Variants in TENM4 observed in about 807,000 individuals in gnomAD.
TENM4 encodes teneurin-4.
TENM4 carries 82 observed loss-of-function variants against 243.3 expected under a neutral mutation model. The ratio of observed to expected loss-of-function variants is 0.34; its 90% CI spans 0.28 to 0.40. The LOEUF (loss-of-function observed/expected upper bound fraction) is 0.40. Among genes scored for constraint, TENM4 ranks in the 10% least tolerant of loss-of-function variants. The pLI is 1.00. For missense variants in TENM4, 3,138 were observed against 3,673.3 expected (o/e 0.85, Z 3.77); for synonymous variants, 1,412 against 1,456.3 (o/e 0.97, Z 0.69).
At chr11:78,723,042 T>C (rs1855435234) in intron 23 of TENM4, 125 bp from the exon 24 acceptor site, 1 of 1,376,644 alleles carries the variant, frequency 7.3e-7, no homozygotes, top group African/African-American at 1.4e-5. Flanking sequence ...TCCAGGATCA[T>C]AGCCCAAGGC....
intron 6 of TENM4, among the ~76,000 whole-genome samples, chr11:78,943,038 G>T (rs1198265545): frequency 6.6e-6 from 1 of 152,160 alleles, no homozygotes; most frequent in South Asian, 2.1e-4. Flanking sequence ...TCCTGCGAGG[G>T]TCTTTAGGAC....
chr11:79,032,497 G>A (rs1859269864), intron 6 of TENM4, among the ~76,000 whole-genome samples: 1 of 152,156 alleles, frequency 6.6e-6, no homozygotes, highest in African/African-American at 2.4e-5. Context: ...AAGAGCCTCT[G>A]GTGATATAAG....
At chr11:79,135,148 G>C (rs900887492) in intron 4 of TENM4, among the ~76,000 whole-genome samples, 3 of 151,840 alleles carry the variant, frequency 2.0e-5, no homozygotes, top group African/African-American at 7.3e-5. Flanking sequence ...AAATCAGTAA[G>C]CAAAAAACAA....
At chr11:79,300,172 G>A (rs1256079920) in intron 1 of TENM4, among the ~76,000 whole-genome samples, 1 of 152,026 alleles carries the variant, frequency 6.6e-6, no homozygotes, top group Non-Finnish European at 1.5e-5. Flanking sequence ...TTTTCTTTCT[G>A]ACTATTCACT....
At chr11:78,675,509 C>G (rs1199928871) in intron 30 of TENM4, among the ~76,000 whole-genome samples, 1 of 152,168 alleles carries the variant, frequency 6.6e-6, no homozygotes, top group African/African-American at 2.4e-5. Flanking sequence ...GGCACTCAGG[C>G]CCTGGCAGAG....
At chr11:79,177,632 G>A (rs1424272377) in intron 3 of TENM4, among the ~76,000 whole-genome samples, 2 of 152,176 alleles carry the variant, frequency 1.3e-5, no homozygotes, top group Non-Finnish European at 2.9e-5. Context: ...AGGAAGGAGG[G>A]TATGGTTAGG....
Position 79,098,369 on chromosome 11 carries a change from A to G in TENM4, c.-65-28360T>C, listed in dbSNP as rs565174012. On this transcript the variant is annotated intron_variant, in intron 4 of 33. Transcript: ENST00000278550. ...CCCTTCTCCTGACCCCTGGCTCCTGACAGCCTACTCCCCAACCCCTGCTCA... is the reference window on the plus strand; with the variant it reads ...CCCTTCTCCTGACCCCTGGCTCCTGGCAGCCTACTCCCCAACCCCTGCTCA... Among the ~76,000 whole-genome samples the G allele has an allele frequency of 2.2e-3, 328 of 152,220 alleles. 1 individual carries two copies. The highest frequency in any genetic ancestry group is 7.4e-3 in the African/African-American group (309 of 41,544).
At chr11:78,946,660 G>T (rs1565138568) in intron 6 of TENM4, among the ~76,000 whole-genome samples, 1 of 152,168 alleles carries the variant, frequency 6.6e-6, no homozygotes, top group Non-Finnish European at 1.5e-5. Context: ...TTTCTGGAAA[G>T]GATTTACCAA....
intron 15 of TENM4, among the ~76,000 whole-genome samples, chr11:78,804,571 CA>C (rs1857349986): frequency 6.6e-6 from 1 of 152,154 alleles, no homozygotes; most frequent in South Asian, 2.1e-4. Context: ...ACCTGTAAAT[CA>C]TAGTGTTTTC....
chr11:79,428,466 A>T (rs529575592), intron 1 of TENM4, among the ~76,000 whole-genome samples: 4 of 152,354 alleles, frequency 2.6e-5, no homozygotes, highest in East Asian at 3.9e-4. Flanking sequence ...TAGGATGTGG[A>T]CAGAAATCAA....
chr11:79,278,763 C>T (rs866698508), intron 2 of TENM4, among the ~76,000 whole-genome samples: 2 of 152,170 alleles, frequency 1.3e-5, no homozygotes, highest in East Asian at 1.9e-4. Flanking sequence ...TCAGAGCTTG[C>T]GGCTCCCAAG....
At chr11:78,716,827 T>A (rs760780579) in intron 25 of TENM4, among the ~76,000 whole-genome samples, 6 of 152,146 alleles carry the variant, frequency 3.9e-5, no homozygotes, top group Non-Finnish European at 8.8e-5. Context: ...AACTTGAGAG[T>A]CCACATTTCT....
intron 9 of TENM4, among the ~76,000 whole-genome samples, chr11:78,879,960 C>G (rs900002882): frequency 2.6e-5 from 4 of 152,160 alleles, no homozygotes; most frequent in African/African-American, 9.7e-5. Flanking sequence ...TCCAAAGAGA[C>G]AGCGACCATC....
intron 6 of TENM4, among the ~76,000 whole-genome samples, chr11:78,908,531 A>G (rs948094477): frequency 6.6e-6 from 1 of 152,244 alleles, no homozygotes; most frequent in Non-Finnish European, 1.5e-5. Flanking sequence ...GAAAAAGAGC[A>G]GAACATATCT....
intron 29 of TENM4, among the ~76,000 whole-genome samples, chr11:78,687,723 G>T (rs1332816828): frequency 1.3e-5 from 2 of 152,076 alleles, no homozygotes; most frequent in Non-Finnish European, 2.9e-5. Context: ...TTTGTCCTTT[G>T]TCCTCACCTA....
chr11:79,325,750 G>C lies in TENM4; in HGVS notation c.-320-28207C>G, dbSNP rs7938340. ...ATTGTGATCATTTTATAATTCACTGGGTCAAAGATACAGATGATTCACCAG... is the reference window on the plus strand; with the variant it reads ...ATTGTGATCATTTTATAATTCACTGCGTCAAAGATACAGATGATTCACCAG... On this transcript the variant is annotated intron_variant, in intron 1 of 33. Transcript: ENST00000278550. 6.1e-3 allele frequency among the ~76,000 whole-genome samples: 931 copies of C among 152,208 alleles called. 10 individuals carry two copies. Among genetic ancestry groups the C allele is most frequent in the African/African-American group, 0.022 (903 of 41,522 alleles).
intron 31 of TENM4, 108 bp from the exon 32 acceptor site, chr11:78,670,659 G>C (rs1565324726): frequency 8.9e-7 from 1 of 1,124,930 alleles, no homozygotes; most frequent in Non-Finnish European, 1.3e-6. Context: ...GGAGAATCCT[G>C]AGTTTCCATG....
chr11:78,778,605 T>A lies in TENM4; in HGVS notation c.2389A>T (p.Lys797Ter). The A allele has an allele frequency of 6.2e-7, 1 of 1,612,118 alleles. No homozygotes were observed. The highest frequency in any genetic ancestry group is 1.1e-5 in the South Asian group (1 of 90,246). Reference protein sequence around the residue: ...TIAHYLDRVVKEGCPGLCNGN... With the variant: ...TIAHYLDRVV ...AATAGAGGAAGGAAGACCATACCTT[T>A]AACTACCCTATCCAGATAGTGAGCT... The change falls in exon 17 of 34, where the codon AAA (lysine) becomes TAA (stop). Residue 797 changes from lysine (K) to a stop codon, truncating the protein, a stop_gained. Transcript: ENST00000278550. LOFTEE classifies it high-confidence loss of function.
intron 3 of TENM4, among the ~76,000 whole-genome samples, chr11:79,152,171 G>C (rs1354339846): frequency 6.6e-6 from 1 of 152,180 alleles, no homozygotes; most frequent in Non-Finnish European, 1.5e-5. Context: ...GAAGATCTGT[G>C]TTCCATGGTT....
Sources: allele counts gnomAD v4.1 joint callset (sites outside exome capture counted in the v4.1 genomes callset), GRCh38; gene constraint gnomAD v4.1.1; transcripts MANE v1.5; gene names NCBI Gene and HGNC (gene_info 2026-07-23, HGNC 2026-07-21).